The following DDX31 variants were observed in gnomAD, a reference collection of about 807,000 sequenced individuals.
DDX31 encodes the protein ATP-dependent DNA helicase DDX31.
In DDX31, 70 loss-of-function variants were observed where a neutral mutation model predicts 91.3. That is an observed-to-expected ratio of 0.77 (90% CI 0.63 to 0.94). The LOEUF is 0.94. Ranked by LOEUF, DDX31 falls within the 40% of genes least tolerant of loss-of-function variation. The pLI, the probability that DDX31 is intolerant of heterozygous loss-of-function variation, is 0.00. For synonymous variants in DDX31, 362 were observed against 350.6 expected (o/e 1.03, Z -0.36); for missense variants, 902 against 925.0 (o/e 0.98, Z 0.32).
At position 132,663,393 on chromosome 9, in the gene DDX31, TGAGTCCCC is replaced by T. The variant is rs1434517651; in HGVS notation, c.76-706_76-699del. On this transcript the variant is annotated intron_variant, in intron 1 of 19. Transcript: ENST00000372159. The stretch of plus-strand genomic sequence containing the variant: ...CTACCTCCCTTGCCTTTCGAGTCTC[TGAGTCCCC>T]GAGTCTCTGCCTGATTGCGGATTAC... The T allele has an allele frequency of 4.1e-6, 4 of 985,272 alleles. No homozygotes were observed. In the African/African-American group the frequency reaches 5.2e-5, roughly 13 times the overall value. The allele number at this position is 985,272 out of a possible 1,614,324, so 61.0% of individuals were successfully genotyped here.
rs1053274467 is a variant in DDX31 at position 132,594,359 on chromosome 9, T to C, written c.*507A>G. 6.5e-6 allele frequency: 1 copy of C among 153,918 alleles called. No individual in the cohort carries two copies. Among genetic ancestry groups the C allele is most frequent in the Admixed American group, 6.4e-5 (1 of 15,644 alleles). 9.5% of individuals were successfully genotyped at this position (153,918 alleles called of 1,614,324 possible). On this transcript the variant is annotated 3_prime_UTR_variant, in exon 20 of 20. Coordinates refer to ENST00000372159, the MANE Select transcript of DDX31 (RefSeq NM_022779.9). ...TCCTTTTTAACGGTACATTCCTACA[T>C]TAAGAAAATAATTAGTGATAAATAT...
intron 10 of DDX31, 21 bp from the exon 11 acceptor site, chr9:132,648,316 AG>A (rs1162093015): frequency 1.2e-6 from 2 of 1,600,082 alleles, no homozygotes; most frequent in Admixed American, 1.7e-5. Flanking sequence ...AAAAAAAAAA[AG>A]AAATTTTCAA....
chr9:132,667,549 G>A (rs1355120704), intron 1 of DDX31, among the ~76,000 whole-genome samples: 1 of 152,060 alleles, frequency 6.6e-6, no homozygotes, highest in Non-Finnish European at 1.5e-5. Flanking sequence ...CTTGCAGTGA[G>A]CAGAGATCGC....
rs569153476 is a variant in DDX31, at chr9:132,621,967, A to G, written c.1714-3526T>C. 5.3e-5 allele frequency among the ~76,000 whole-genome samples: 8 copies of G among 150,506 alleles called. No individual in the cohort carries two copies. In the East Asian group the frequency reaches 1.6e-3, roughly 29 times the overall value. Reference sequence around the variant, plus strand: ...TTCTAAGTTAACCAGTTATATCATGAAAGCCCAAACTTACTCAGCTTTTCT... The same window carrying G: ...TTCTAAGTTAACCAGTTATATCATGGAAGCCCAAACTTACTCAGCTTTTCT... On this transcript the variant is annotated intron_variant, in intron 17 of 19. Coordinates refer to ENST00000372159, the MANE Select transcript of DDX31 (RefSeq NM_022779.9).
intron 7 of DDX31, 118 bp downstream of exon 7, chr9:132,652,330 G>C: frequency 8.6e-7 from 1 of 1,158,734 alleles, no homozygotes; most frequent in Non-Finnish European, 1.3e-6. Flanking sequence ...CAGGCAAATG[G>C]AACTGGTGTG....
intron 9 of DDX31, among the ~76,000 whole-genome samples, chr9:132,649,752 A>G (rs1414032125): frequency 1.3e-5 from 2 of 152,248 alleles, no homozygotes; most frequent in Non-Finnish European, 2.9e-5. Flanking sequence ...GAATGAAGAC[A>G]ATTTGAGATT....
At chr9:132,607,426 A>G (rs1292996105) in intron 19 of DDX31, among the ~76,000 whole-genome samples, 1 of 152,238 alleles carries the variant, frequency 6.6e-6, no homozygotes, top group Admixed American at 6.5e-5. Flanking sequence ...AGCTAGGAGC[A>G]ACAGGGGGAC....
At chr9:132,627,120 GA>G (rs1008410524) in intron 16 of DDX31, among the ~76,000 whole-genome samples, 1 of 152,170 alleles carries the variant, frequency 6.6e-6, no homozygotes, top group South Asian at 2.1e-4. Context: ...AAAAAAAGAG[GA>G]AAAACACAAA....
In DDX31 at chr9:132,611,613, C is replaced by T. The variant is rs539858777; in HGVS notation, c.1994+474G>A. Among the ~76,000 whole-genome samples, 10 of 152,180 alleles carry T rather than the reference C, an allele frequency of 6.6e-5. No homozygotes were observed. In the East Asian group the frequency reaches 7.7e-4, roughly 12 times the overall value. On this transcript the variant is annotated intron_variant, in intron 19 of 19. Transcript: ENST00000372159. The stretch of plus-strand genomic sequence containing the variant: ...TTGGGAGGAAAGGGGAAGGGCTCAC[C>T]GCTCTTGCCTTGATGAGCGCTCACC...
At chr9:132,643,043 C>T (rs930769612) in intron 13 of DDX31, among the ~76,000 whole-genome samples, 2 of 152,240 alleles carry the variant, frequency 1.3e-5, no homozygotes, top group East Asian at 1.9e-4. Flanking sequence ...AGGCTGGTCT[C>T]GAACGCCTGA....
Position 132,662,634 on chromosome 9 carries a change from C to T in DDX31, c.137G>A (p.Arg46Lys). The T allele has an allele frequency of 6.2e-7, 1 of 1,614,168 alleles. No individual in the cohort carries two copies. The highest frequency in any genetic ancestry group is 8.5e-7 in the Non-Finnish European group (1 of 1,180,030). ...GGCTGGGAGAAATGAAGTTTCGTTCCTCCGTTTCGCTGGGGGAGCCTCACT... is the reference window on the plus strand; with the variant it reads ...GGCTGGGAGAAATGAAGTTTCGTTCTTCCGTTTCGCTGGGGGAGCCTCACT... ...ASSEAPPAKRRNETSFLPAKK... is the reference protein window; with the variant it reads ...ASSEAPPAKRKNETSFLPAKK... The change falls in exon 2 of 20, where the codon AGG becomes AAG. Residue 46 changes from arginine to lysine, a missense_variant. By Grantham distance (26) the Arg-to-Lys change is conservative (BLOSUM62 2). Coordinates refer to ENST00000372159, the MANE Select transcript of DDX31 (RefSeq NM_022779.9).
Position 132,618,342 on chromosome 9 carries a change from A to G in DDX31, c.1813T>C (p.Trp605Arg), listed in dbSNP as rs761739567. The G allele has an allele frequency of 1.9e-6, 3 of 1,609,164 alleles. No homozygotes were observed. In the East Asian group the frequency reaches 6.7e-5, roughly 36 times the overall value. Residue 605 changes from tryptophan (W) to arginine (R), a missense_variant, in exon 18 of 20, where the codon TGG (tryptophan) becomes CGG (arginine). Trp to Arg is a moderately radical substitution (Grantham distance 101, BLOSUM62 -3). Coordinates refer to ENST00000372159, the MANE Select transcript of DDX31 (RefSeq NM_022779.9). ...YVHSSERRVS[W>R]AKKALQSFIQ... The stretch of plus-strand genomic sequence containing the variant: ...GAAATCGACTGACCTTTCTTTGCCC[A>G]GGAGACCCTCCTCTCACTGGAGTGC...
At chr9:132,612,386 A>T in intron 18 of DDX31, 131 bp from the exon 19 acceptor site, 1 of 993,752 alleles carries the variant, frequency 1.0e-6, no homozygotes, top group South Asian at 1.5e-5. Flanking sequence ...CAATTACAAC[A>T]TATACAAACA....
At chr9:132,614,298 C>A (rs1289819085) in intron 18 of DDX31, among the ~76,000 whole-genome samples, 3 of 152,108 alleles carry the variant, frequency 2.0e-5, no homozygotes, top group African/African-American at 7.2e-5. Context: ...GCTTACTCCC[C>A]TTTTTAATAA....
chr9:132,597,076 A>C (rs1396172674), intron 19 of DDX31, among the ~76,000 whole-genome samples: 6 of 152,148 alleles, frequency 3.9e-5, no homozygotes, highest in Admixed American at 1.3e-4. Context: ...AAACATTAGG[A>C]AACTGAGGTC....
chr9:132,659,585 T>A lies in DDX31; in HGVS notation c.523+125A>T, dbSNP rs952941224. 3.7e-6 allele frequency: 3 copies of A among 817,850 alleles called. No individual in the cohort carries two copies. In the Admixed American group the frequency reaches 7.0e-5, roughly 19 times the overall value. The allele number at this position is 817,850 out of a possible 1,614,324, so 50.7% of individuals were successfully genotyped here. A position where few individuals can be genotyped will look rare whatever the true frequency, so the allele number is the denominator to read the frequency against. The stretch of plus-strand genomic sequence containing the variant: ...ACATTCAGGGCTCTAATCAAAAGCA[T>A]GGCCTCCCTCCCCCAAACGAAACAA... On this transcript the variant is annotated intron_variant, in intron 5 of 19. Coordinates refer to ENST00000372159, the MANE Select transcript of DDX31 (RefSeq NM_022779.9).
intron 19 of DDX31, among the ~76,000 whole-genome samples, chr9:132,601,761 G>C (rs1830734299): frequency 6.6e-6 from 1 of 152,224 alleles, no homozygotes; most frequent in African/African-American, 2.4e-5. Context: ...GCCTGAGACA[G>C]GCACACCAGA....
At chr9:132,647,925 T>G (rs964815450) in intron 11 of DDX31, among the ~76,000 whole-genome samples, 1 of 152,114 alleles carries the variant, frequency 6.6e-6, no homozygotes, top group Admixed American at 6.5e-5. Flanking sequence ...ACCAAGCCAA[T>G]AGCAGCCAGT....
chr9:132,658,519 A>G, intron 6 of DDX31, 152 bp downstream of exon 6: 1 of 706,418 alleles, frequency 1.4e-6, no homozygotes, highest in East Asian at 2.6e-5. Context: ...GTCTCTAGAT[A>G]CAACACATTT....
Sources: allele counts gnomAD v4.1 joint callset (sites outside exome capture counted in the v4.1 genomes callset), GRCh38; gene constraint gnomAD v4.1.1; transcripts MANE v1.5; gene names NCBI Gene and HGNC (gene_info 2026-07-23, HGNC 2026-07-21).